Variants in NSUN6 observed in about 807,000 individuals in gnomAD.
NSUN6 encodes the protein tRNA (cytosine(72)-C(5))-methyltransferase NSUN6.
Under a neutral mutation model 58.0 loss-of-function variants are expected in NSUN6, and 64 were observed. The observed-to-expected ratio is 1.10, with a 90% confidence interval of 0.90 to 1.36. The LOEUF (loss-of-function observed/expected upper bound fraction) is 1.36. Ranked by LOEUF, NSUN6 falls within the 40% of genes most tolerant of loss-of-function variation. The pLI is 0.00. For missense variants in NSUN6, 701 were observed against 550.1 expected (o/e 1.27, Z -2.74); for synonymous variants, 231 against 193.9 (o/e 1.19, Z -1.59).
At chr10:18,562,260 G>C (rs1239977249) in intron 8 of NSUN6, among the ~76,000 whole-genome samples, 2 of 150,366 alleles carry the variant, frequency 1.3e-5, no homozygotes, top group Non-Finnish European at 3.0e-5. Context: ...GGACAGGAAT[G>C]CAGAATGGAA....
Position 18,616,177 on chromosome 10 carries a change from T to G in NSUN6, c.421+7A>C, listed in dbSNP as rs941206900. ...ACCTTAAAGACAAATCTAAACATTATACTTACATTGTGATGCTGACACAAT... is the reference window on the plus strand; with the variant it reads ...ACCTTAAAGACAAATCTAAACATTAGACTTACATTGTGATGCTGACACAAT... On this transcript the variant is annotated splice_region_variant and intron_variant, in intron 4 of 10. Coordinates refer to ENST00000377304, the MANE Select transcript of NSUN6 (RefSeq NM_182543.5). 7.1e-7 allele frequency: 1 copy of G among 1,411,534 alleles called. No individual in the cohort carries two copies. The highest frequency in any genetic ancestry group is 2.3e-5 in the East Asian group (1 of 43,902). The allele number at this position is 1,411,534 out of a possible 1,614,324, so 87.4% of individuals were successfully genotyped here. A position where few individuals can be genotyped will look rare whatever the true frequency, so the allele number is the denominator to read the frequency against.
chr10:18,651,888 G>C, upstream of NSUN6: 7 of 985,458 alleles, frequency 7.1e-6, no homozygotes, highest in Non-Finnish European at 8.4e-6. Flanking sequence ...CGTGGGTTGA[G>C]TGGAAGATGT....
chr10:18,642,603 T>C, intron 2 of NSUN6, 48 bp from the exon 3 acceptor site: 1 of 916,670 alleles, frequency 1.1e-6, no homozygotes, highest in Non-Finnish European at 1.8e-6. Context: ...ATTTGATACA[T>C]TTCAACTTAT....
chr10:18,625,298 A>G (rs1433171138), intron 3 of NSUN6, among the ~76,000 whole-genome samples: 3 of 152,238 alleles, frequency 2.0e-5, no homozygotes, highest in South Asian at 2.1e-4. Flanking sequence ...TGCCAGAAAC[A>G]CAGCACACAA....
chr10:18,581,017 C>T (rs2056880865), intron 8 of NSUN6, among the ~76,000 whole-genome samples: 1 of 152,168 alleles, frequency 6.6e-6, no homozygotes, highest in Non-Finnish European at 1.5e-5. Context: ...AGATCAAGTG[C>T]ATGGTCTGAC....
intron 6 of NSUN6, among the ~76,000 whole-genome samples, chr10:18,608,011 T>C (rs1235260917): frequency 6.6e-6 from 1 of 152,218 alleles, no homozygotes; most frequent in African/African-American, 2.4e-5. Context: ...ACCATTAGCA[T>C]CCCTTATAAG....
chr10:18,577,945 A>G (rs2056734312), intron 8 of NSUN6, among the ~76,000 whole-genome samples: 1 of 152,232 alleles, frequency 6.6e-6, no homozygotes, highest in Admixed American at 6.5e-5. Context: ...CATACGCGTA[A>G]GGGATAAGAA....
At chr10:18,633,292 T>C (rs1387704196) in intron 3 of NSUN6, among the ~76,000 whole-genome samples, 1 of 149,160 alleles carries the variant, frequency 6.7e-6, no homozygotes, top group African/African-American at 2.5e-5. Flanking sequence ...AGGGATAGCA[T>C]TGGGAGATAT....
intron 4 of NSUN6, 32 bp from the exon 5 acceptor site, chr10:18,614,645 T>C (rs2058348509): frequency 1.7e-6 from 2 of 1,168,354 alleles, no homozygotes; most frequent in East Asian, 2.7e-5. Flanking sequence ...ATTACACTGA[T>C]TTATACTTTG....
intron 8 of NSUN6, among the ~76,000 whole-genome samples, chr10:18,567,430 C>G (rs1476110078): frequency 7.4e-5 from 11 of 149,522 alleles, no homozygotes; most frequent in African/African-American, 2.7e-4. Flanking sequence ...CATTTCATTC[C>G]ATGCTCCATT....
intron 3 of NSUN6, among the ~76,000 whole-genome samples, chr10:18,633,670 A>G (rs2131502761): frequency 6.6e-6 from 1 of 152,280 alleles, no homozygotes; most frequent in South Asian, 2.1e-4. Flanking sequence ...ATATCTTGTC[A>G]GTGTCCTGTT....
At chr10:18,636,477 A>G (rs1029495514) in intron 3 of NSUN6, among the ~76,000 whole-genome samples, 23 of 152,222 alleles carry the variant, frequency 1.5e-4, no homozygotes, top group African/African-American at 4.1e-4. Context: ...CCTGGGCAGC[A>G]CAGCAAGACC....
At chr10:18,567,022 A>C (rs771920472) in intron 8 of NSUN6, among the ~76,000 whole-genome samples, 3 of 148,304 alleles carry the variant, frequency 2.0e-5, no homozygotes, top group Non-Finnish European at 3.0e-5. Context: ...TCTCCATTCC[A>C]TTCTCCATTC....
chr10:18,552,392 G>A (rs1465292635), intron 8 of NSUN6, among the ~76,000 whole-genome samples: 1 of 152,110 alleles, frequency 6.6e-6, no homozygotes, highest in African/African-American at 2.4e-5. Flanking sequence ...CTGTGTTCCT[G>A]AGTCTCCTTG....
At chr10:18,637,655 T>C (rs2059262476) in intron 3 of NSUN6, among the ~76,000 whole-genome samples, 1 of 152,202 alleles carries the variant, frequency 6.6e-6, no homozygotes, top group South Asian at 2.1e-4. Context: ...GACATGCTTA[T>C]GCAAGTCCAC....
chr10:18,632,772 A>C (rs1396928211), intron 3 of NSUN6, among the ~76,000 whole-genome samples: 1 of 152,194 alleles, frequency 6.6e-6, no homozygotes, highest in Non-Finnish European at 1.5e-5. Flanking sequence ...GCTGGAGAGG[A>C]TGTGGAGAAA....
At chr10:18,554,446 G>A (rs1305311779) in intron 8 of NSUN6, among the ~76,000 whole-genome samples, 1 of 149,960 alleles carries the variant, frequency 6.7e-6, no homozygotes, top group Non-Finnish European at 1.5e-5. Flanking sequence ...GGAATGGAAT[G>A]AACAATGGAA....
chr10:18,558,653 GAGTGGAAAGGAATTGAA>G, intron 8 of NSUN6, among the ~76,000 whole-genome samples: 6 of 149,052 alleles, frequency 4.0e-5, no homozygotes, highest in Non-Finnish European at 6.0e-5. Context: ...ATGGAAGGGA[GAGTGGAAAGGAATTGAA>G]AATGGAAAAG....
At chr10:18,563,564 A>G (rs923788073) in intron 8 of NSUN6, among the ~76,000 whole-genome samples, 1 of 150,620 alleles carries the variant, frequency 6.6e-6, no homozygotes, top group Non-Finnish European at 1.5e-5. Flanking sequence ...GTGGAATGGA[A>G]TATTCTCCCT....
Sources: gnomAD v4.1 joint callset for allele counts (sites outside exome capture counted in the v4.1 genomes callset) on GRCh38, gnomAD v4.1.1 for gene constraint, MANE v1.5 for transcripts, NCBI Gene and HGNC (gene_info 2026-07-23, HGNC 2026-07-21) for gene names.